The following CCDC146 variants were observed in gnomAD, a reference collection of about 807,000 sequenced individuals.
The protein encoded by CCDC146 is coiled-coil domain-containing protein 146.
CCDC146 carries 92 observed loss-of-function variants against 119.3 expected under a neutral mutation model. That is an observed-to-expected ratio of 0.77 (90% CI 0.65 to 0.92). CCDC146 has a LOEUF of 0.92. CCDC146 is among the 40% of genes least tolerant of loss of function. CCDC146 has a pLI of 0.00. For synonymous variants in CCDC146, 372 were observed against 371.8 expected (o/e 1.00, Z -0.01); for missense variants, 1,000 against 1,103.0 (o/e 0.91, Z 1.32).
intron 2 of CCDC146, among the ~76,000 whole-genome samples, chr7:77,171,248 A>G (rs1342706434): frequency 6.6e-6 from 1 of 152,218 alleles, no homozygotes; most frequent in Non-Finnish European, 1.5e-5. Flanking sequence ...TGTACTAGTT[A>G]AAATAACTCC....
intron 2 of CCDC146, among the ~76,000 whole-genome samples, chr7:77,202,195 G>A (rs187893221): frequency 2.0e-5 from 3 of 152,144 alleles, no homozygotes; most frequent in African/African-American, 4.8e-5. Context: ...ATGCAAAACC[G>A]CTATTCTAGG....
At position 77,260,240 on chromosome 7, in the gene CCDC146, A is replaced by C. The variant is rs368399443; in HGVS notation, c.986+4A>C. ...AAGCAACTTCATTAACTGAAAGGTTAGTTATATTTATGTATGTTATGTTCT... is the reference window on the plus strand; with the variant it reads ...AAGCAACTTCATTAACTGAAAGGTTCGTTATATTTATGTATGTTATGTTCT... On this transcript the variant is annotated splice_donor_region_variant and intron_variant, in intron 8 of 18. Coordinates refer to ENST00000285871, the MANE Select transcript of CCDC146 (RefSeq NM_020879.3). 8 of 1,599,188 alleles carry C rather than the reference A, an allele frequency of 5.0e-6. No homozygotes were observed. The highest frequency in any genetic ancestry group is 1.3e-5 in the African/African-American group (1 of 74,322).
At position 77,260,093 on chromosome 7, in the gene CCDC146, T is replaced by C; in HGVS notation, c.843T>C (p.Ser281=). 2 of 1,613,238 alleles carry C rather than the reference T, an allele frequency of 1.2e-6. No homozygotes were observed. The highest frequency in any genetic ancestry group is 1.7e-6 in the Non-Finnish European group (2 of 1,179,762). Reference sequence around the variant, plus strand: ...TAAAGAAAGTTGAAAACAAGGTTAGTGCTATAGTGGATGAGAAGGAAAATG... The same window carrying C: ...TAAAGAAAGTTGAAAACAAGGTTAGCGCTATAGTGGATGAGAAGGAAAATG... ...DSLKKVENKV[S]AIVDEKENVI... Residue 281 remains serine (S), a synonymous_variant, in exon 8 of 19, where the codon AGT becomes AGC. Coordinates refer to ENST00000285871, the MANE Select transcript of CCDC146 (RefSeq NM_020879.3).
intron 2 of CCDC146, among the ~76,000 whole-genome samples, chr7:77,207,566 T>C (rs1792103437): frequency 6.6e-6 from 1 of 152,202 alleles, no homozygotes; most frequent in Non-Finnish European, 1.5e-5. Context: ...TATATAAATA[T>C]AGATTTAAAA....
intron 2 of CCDC146, chr7:77,194,378 AT>A (rs915476971): frequency 1.1e-4 from 17 of 152,092 alleles, no homozygotes; most frequent in African/African-American, 3.9e-4. Context: ...CAGTTACATC[AT>A]TTACATTTGG....
intron 2 of CCDC146, among the ~76,000 whole-genome samples, chr7:77,224,485 C>G (rs1427672481): frequency 2.6e-5 from 4 of 152,222 alleles, no homozygotes; most frequent in Non-Finnish European, 5.9e-5. Context: ...AATAATCTCC[C>G]CATCTCAAGG....
At chr7:77,221,779 C>G (rs972398152) in intron 2 of CCDC146, among the ~76,000 whole-genome samples, 6 of 152,146 alleles carry the variant, frequency 3.9e-5, no homozygotes, top group African/African-American at 1.4e-4. Context: ...CTGATTCATT[C>G]AACATTTTTG....
At position 77,238,366 on chromosome 7, in the gene CCDC146, C is replaced by T. The variant is rs1792778523; in HGVS notation, c.239+1337C>T. On this transcript the variant is annotated intron_variant, in intron 3 of 18. Transcript: ENST00000285871. ...ATGCCATGCAGTTCTCTGGGCATCC[C>T]TCCAATCCTCTTTGCAGATACAAGG... Among the ~76,000 whole-genome samples the T allele has an allele frequency of 2.6e-5, 4 of 152,178 alleles. No individual in the cohort carries two copies. In the South Asian group the frequency reaches 8.3e-4, roughly 31 times the overall value.
chr7:77,160,014 T>A (rs1298364901), intron 1 of CCDC146, among the ~76,000 whole-genome samples: 3 of 152,168 alleles, frequency 2.0e-5, no homozygotes, highest in African/African-American at 4.8e-5. Context: ...AGCACCATTT[T>A]TTAAATAGGG....
At chr7:77,211,638 CAG>C (rs1792186581) in intron 2 of CCDC146, among the ~76,000 whole-genome samples, 1 of 151,776 alleles carries the variant, frequency 6.6e-6, no homozygotes, top group African/African-American at 2.4e-5. Context: ...TATTTTGAGA[CAG>C]AGTCTCACTC....
rs3114323 is a variant in CCDC146 at position 77,267,954 on chromosome 7, C to T, written c.1173+5647C>T. ...ACAGGAATACATCAGCAGTTGAATG[C>T]GCTGAGTTTATTACATATTGCAGCA... is the stretch of plus-strand genomic sequence containing the variant. On this transcript the variant is annotated intron_variant, in intron 9 of 18. Transcript: ENST00000285871. Among the ~76,000 whole-genome samples, 71 of 152,240 alleles carry T rather than the reference C, an allele frequency of 4.7e-4. No individual in the cohort carries two copies. In the South Asian group the frequency reaches 0.014, roughly 31 times the overall value.
chr7:77,254,426 G>A (rs1396281410), intron 4 of CCDC146, 80 bp from the exon 5 acceptor site: 3 of 759,566 alleles, frequency 3.9e-6, no homozygotes, highest in Non-Finnish European at 6.4e-6. Context: ...GACATTCTGG[G>A]ATGAGAAGAT....
chr7:77,123,187 T>C (rs1167347823), intron 1 of CCDC146, among the ~76,000 whole-genome samples: 1 of 151,012 alleles, frequency 6.6e-6, no homozygotes, highest in Non-Finnish European at 1.5e-5. Context: ...TCAGAACTTG[T>C]TTTGAGAATA....
chr7:77,195,228 T>C (rs1791845258), intron 2 of CCDC146: 1 of 134,542 alleles, frequency 7.4e-6, no homozygotes, highest in Non-Finnish European at 1.6e-5. Flanking sequence ...AATTAAAAGC[T>C]ATTGTTCACA....
intron 1 of CCDC146, among the ~76,000 whole-genome samples, chr7:77,140,582 G>C (rs540550099): frequency 1.3e-5 from 2 of 152,114 alleles, no homozygotes; most frequent in African/African-American, 4.8e-5. Flanking sequence ...CCATCGTGAG[G>C]CTCCATACTC....
intron 15 of CCDC146, among the ~76,000 whole-genome samples, chr7:77,284,014 G>A (rs868353142): frequency 7.9e-5 from 12 of 152,196 alleles, no homozygotes; most frequent in African/African-American, 2.6e-4. Context: ...GGCTTCCTGT[G>A]GCTCTGACTC....
chr7:77,164,111 C>T (rs1424792348), intron 1 of CCDC146, among the ~76,000 whole-genome samples: 1 of 151,952 alleles, frequency 6.6e-6, no homozygotes, highest in Non-Finnish European at 1.5e-5. Context: ...AATCCACCTG[C>T]CTCCGTCTCC....
chr7:77,225,190 T>C (rs548216383), intron 2 of CCDC146, among the ~76,000 whole-genome samples: 2 of 152,354 alleles, frequency 1.3e-5, no homozygotes, highest in Admixed American at 6.5e-5. Flanking sequence ...TTTTCTCTCT[T>C]ACAACTGAAG....
intron 2 of CCDC146, among the ~76,000 whole-genome samples, chr7:77,183,441 T>G (rs1161877310): frequency 6.6e-6 from 1 of 152,170 alleles, no homozygotes; most frequent in Non-Finnish European, 1.5e-5. Context: ...GTCACCATCT[T>G]GACCTCACAG....
Sources: allele counts gnomAD v4.1 joint callset (sites outside exome capture counted in the v4.1 genomes callset), GRCh38; gene constraint gnomAD v4.1.1; transcripts MANE v1.5; gene names NCBI Gene and HGNC (gene_info 2026-07-23, HGNC 2026-07-21).